The following CCDC39 variants were observed in gnomAD, a reference collection of about 807,000 sequenced individuals.
CCDC39 encodes coiled-coil domain 39 molecular ruler complex subunit.
A neutral mutation model predicts 121.0 loss-of-function variants in CCDC39; 113 were observed. That is an observed-to-expected ratio of 0.93 (90% confidence interval 0.80 to 1.09). The LOEUF is 1.09. Ranked by LOEUF, CCDC39 falls within the 50% of genes least tolerant of loss-of-function variation. CCDC39 has a pLI of 0.00. For missense variants in CCDC39, 1,063 were observed against 1,074.7 expected (o/e 0.99, Z 0.15); for synonymous variants, 349 against 352.2 (o/e 0.99, Z 0.10).
Position 180,663,952 on chromosome 3 carries a change from T to C in CCDC39, c.125A>G (p.Gln42Arg). 4 of 1,612,208 alleles carry C rather than the reference T, an allele frequency of 2.5e-6. No individual in the cohort carries two copies. Among genetic ancestry groups the C allele is most frequent in the Non-Finnish European group, 3.4e-6 (4 of 1,179,216 alleles). ...CTCTTCATACTCACGTAACTCATCT[T>C]GCAAGCTTGCTCTTTCATCCTTCAG... ...SKLKDERASLQDELREYEERI... is the reference protein window; with the variant it reads ...SKLKDERASLRDELREYEERI... Residue 42 changes from glutamine to arginine, a missense_variant, in exon 2 of 20, where the codon CAA (glutamine) becomes CGA (arginine). By Grantham distance (43) the Gln-to-Arg change is conservative (BLOSUM62 1). Coordinates refer to ENST00000476379, the MANE Select transcript of CCDC39 (RefSeq NM_181426.2).
chr3:180,620,374 G>A (rs1420632042), intron 14 of CCDC39, among the ~76,000 whole-genome samples: 1 of 151,444 alleles, frequency 6.6e-6, no homozygotes. Context: ...CAAAATTTAG[G>A]AGTAAAAGAG....
In CCDC39 at chr3:180,654,812, T is replaced by C. The variant is rs61733577; in HGVS notation, c.880A>G (p.Arg294Gly). ...GTTTCATGGTCCTGATATGCCGTTC[T>C]ACATTTTAAAAGTTTACGATCAGCC... ...SVADRKLLKC[R>G]TAYQDHETSR... The change falls in exon 7 of 20, where the codon AGA becomes GGA. Residue 294 changes from arginine to glycine, a missense_variant. Transcript: ENST00000476379. 1,005 of 1,611,292 alleles carry C rather than the reference T, an allele frequency of 6.2e-4. No individual in the cohort carries two copies. The highest frequency in any genetic ancestry group is 4.2e-3 in the African/African-American group (317 of 74,916).
chr3:180,621,457 T>G (rs1213968994), intron 14 of CCDC39, among the ~76,000 whole-genome samples: 1 of 152,008 alleles, frequency 6.6e-6, no homozygotes, highest in Non-Finnish European at 1.5e-5. Context: ...GCCATTCTGA[T>G]TGTTGGCTTT....
chr3:180,623,218 T>G (rs1179746886), intron 14 of CCDC39, among the ~76,000 whole-genome samples: 3 of 151,664 alleles, frequency 2.0e-5, no homozygotes, highest in Non-Finnish European at 1.5e-5. Context: ...AATTTATCTG[T>G]TTCCAGGAAT....
At chr3:180,676,589 T>C (rs1712213502) in intron 1 of CCDC39, among the ~76,000 whole-genome samples, 1 of 152,210 alleles carries the variant, frequency 6.6e-6, no homozygotes, top group South Asian at 2.1e-4. Flanking sequence ...GTGTGGCGAT[T>C]CCTGAAGGAT....
intron 11 of CCDC39, 149 bp downstream of exon 11, chr3:180,646,930 T>C: frequency 1.5e-6 from 1 of 654,164 alleles, no homozygotes; most frequent in Non-Finnish European, 2.6e-6. Context: ...TACACACTAA[T>C]AGTACAAAAA....
Position 180,654,973 on chromosome 3 carries a change from G to A in CCDC39, c.739-20C>T. Reference sequence around the variant, plus strand: ...TAATTCCTAGGATTAAAACAAATATGTTTACTTAAATATATGTTTAAACTG... The same window carrying A: ...TAATTCCTAGGATTAAAACAAATATATTTACTTAAATATATGTTTAAACTG... On this transcript the variant is annotated intron_variant, in intron 6 of 19. Transcript: ENST00000476379. 3 of 1,408,256 alleles carry A rather than the reference G, an allele frequency of 2.1e-6. No individual in the cohort carries two copies. Among genetic ancestry groups the A allele is most frequent in the Non-Finnish European group, 1.9e-6 (2 of 1,055,442 alleles). 87.2% of individuals were successfully genotyped at this position (1,408,256 alleles called of 1,614,324 possible). A position where few individuals can be genotyped will look rare whatever the true frequency, so the allele number is the denominator to read the frequency against.
intron 13 of CCDC39, among the ~76,000 whole-genome samples, chr3:180,633,154 C>T (rs567077177): frequency 3.9e-5 from 6 of 152,276 alleles, no homozygotes; most frequent in Non-Finnish European, 5.9e-5. Flanking sequence ...TACAATCAGC[C>T]CTCCCATTTA....
intron 12 of CCDC39, among the ~76,000 whole-genome samples, chr3:180,642,432 C>G (rs1396749863): frequency 1.3e-5 from 2 of 150,828 alleles, no homozygotes; most frequent in African/African-American, 2.4e-5. Flanking sequence ...TCAAGCTTTG[C>G]TATTATAAAA....
chr3:180,647,170 G>A lies in CCDC39; in HGVS notation c.1436C>T (p.Ala479Val), dbSNP rs780264719. ...KGEINSEEKQ[A>V]LEAKIVELRK... is the part of the protein sequence containing the mutation. ...AAGTTCAACAATTTTTGCTTCAAGCGCTTGTTTTTCTTCTGAATTAATTTC... is the reference window on the plus strand; with the variant it reads ...AAGTTCAACAATTTTTGCTTCAAGCACTTGTTTTTCTTCTGAATTAATTTC... Residue 479 changes from alanine to valine, a missense_variant, in exon 11 of 20, where the codon GCG becomes GTG. Physicochemically the swap from Ala to Val is moderately conservative, Grantham distance 64. Transcript: ENST00000476379. The A allele has an allele frequency of 1.7e-5, 28 of 1,610,310 alleles. No individual in the cohort carries two copies. In the Middle Eastern group the frequency reaches 6.6e-4, roughly 38 times the overall value.
At chr3:180,626,610 A>G (rs1322725663) in intron 14 of CCDC39, among the ~76,000 whole-genome samples, 1 of 152,100 alleles carries the variant, frequency 6.6e-6, no homozygotes, top group Non-Finnish European at 1.5e-5. Flanking sequence ...AGCTGCAGCA[A>G]TGTCAACCTG....
chr3:180,621,339 T>G (rs1156717612), intron 14 of CCDC39, among the ~76,000 whole-genome samples: 1 of 152,016 alleles, frequency 6.6e-6, no homozygotes, highest in East Asian at 1.9e-4. Context: ...GAGAAACCAT[T>G]CTGTTTTCCA....
At position 180,653,857 on chromosome 3, in the gene CCDC39, T is replaced by G. The variant is rs568336861; in HGVS notation, c.930+905A>C. Among the ~76,000 whole-genome samples, 20 of 152,308 alleles carry G rather than the reference T, an allele frequency of 1.3e-4. No homozygotes were observed. In the South Asian group the frequency reaches 3.9e-3, roughly 30 times the overall value. On this transcript the variant is annotated intron_variant, in intron 7 of 19. Transcript: ENST00000476379. ...ACCTATGTACAGCCTCCTGTATACT[T>G]TAAATAATCTCTTGATTATTTTTAA...
chr3:180,673,553 T>C (rs963893814), intron 1 of CCDC39, among the ~76,000 whole-genome samples: 14 of 152,164 alleles, frequency 9.2e-5, no homozygotes, highest in African/African-American at 3.4e-4. Flanking sequence ...GAACACCTAA[T>C]AGACTGAAGT....
chr3:180,670,845 A>G (rs1712023604), intron 1 of CCDC39, among the ~76,000 whole-genome samples: 1 of 152,100 alleles, frequency 6.6e-6, no homozygotes, highest in Non-Finnish European at 1.5e-5. Context: ...ATGAAGGGGA[A>G]GCAGCTTTCC....
intron 9 of CCDC39, among the ~76,000 whole-genome samples, chr3:180,650,149 C>T (rs1718166172): frequency 6.6e-6 from 1 of 152,168 alleles, no homozygotes; most frequent in Non-Finnish European, 1.5e-5. Flanking sequence ...ATAGTTCACA[C>T]TTATAGTTCA....
At position 180,616,823 on chromosome 3, in the gene CCDC39, T is replaced by A; in HGVS notation, c.2406+3A>T. ...AAGGTCAGTTTTTAAAAGATATCGA[T>A]ACCTGTTTGGTCACTCTTTCTAATT... On this transcript the variant is annotated splice_donor_region_variant and intron_variant, in intron 17 of 19. Coordinates refer to ENST00000476379, the MANE Select transcript of CCDC39 (RefSeq NM_181426.2). 5 of 1,609,570 alleles carry A rather than the reference T, an allele frequency of 3.1e-6. No individual in the cohort carries two copies. Among genetic ancestry groups the A allele is most frequent in the Non-Finnish European group, 4.2e-6 (5 of 1,177,150 alleles).
intron 13 of CCDC39, among the ~76,000 whole-genome samples, chr3:180,636,933 G>A (rs1162588476): frequency 6.6e-6 from 1 of 152,040 alleles, no homozygotes; most frequent in African/African-American, 2.4e-5. Flanking sequence ...ATCAACTCAA[G>A]ATGGATTAAA....
Position 180,614,775 on chromosome 3 carries a change from G to A in CCDC39, c.*146C>T, listed in dbSNP as rs1390383429. 4.4e-5 allele frequency: 28 copies of A among 635,404 alleles called. No homozygotes were observed. The highest frequency in any genetic ancestry group is 3.4e-4 in the East Asian group (11 of 32,560). 39.4% of individuals were successfully genotyped at this position (635,404 alleles called of 1,614,324 possible). A position where few individuals can be genotyped will look rare whatever the true frequency, so the allele number is the denominator to read the frequency against. Reference sequence around the variant, plus strand: ...AGAAAACAGTAGAGAAAATGAGAACGTTCCTTTTTTTTTAAAACTATCAGT... The same window carrying A: ...AGAAAACAGTAGAGAAAATGAGAACATTCCTTTTTTTTTAAAACTATCAGT... On this transcript the variant is annotated 3_prime_UTR_variant, in exon 20 of 20. Transcript: ENST00000476379.
Sources: gnomAD v4.1 joint callset for allele counts (sites outside exome capture counted in the v4.1 genomes callset) on GRCh38, gnomAD v4.1.1 for gene constraint, MANE v1.5 for transcripts, NCBI Gene and HGNC (gene_info 2026-07-23, HGNC 2026-07-21) for gene names.